The following HCN1 variants were observed in gnomAD, a reference collection of about 807,000 sequenced individuals.
HCN1 encodes hyperpolarization activated cyclic nucleotide gated potassium channel 1.
A neutral mutation model predicts 78.9 loss-of-function variants in HCN1; 13 were observed. The observed-to-expected ratio is 0.16, with a 90% CI of 0.11 to 0.26. The LOEUF (loss-of-function observed/expected upper bound fraction) is 0.26, where lower values mean the gene tolerates loss of function less well. Among genes scored for constraint, HCN1 ranks in the 10% least tolerant of loss-of-function variants. The pLI is 1.00. For synonymous variants in HCN1, 552 were observed against 455.5 expected (o/e 1.21, Z -2.70); for missense variants, 810 against 1,154.3 (o/e 0.70, Z 4.32).
chr5:45,371,623 G>A (rs940284331), intron 4 of HCN1, among the ~76,000 whole-genome samples: 10 of 150,992 alleles, frequency 6.6e-5, no homozygotes, highest in African/African-American at 1.2e-4. Context: ...TGGGCTTGGG[G>A]GCGGTCGCCT....
At chr5:45,488,092 T>C (rs892511772) in intron 2 of HCN1, among the ~76,000 whole-genome samples, 1 of 152,068 alleles carries the variant, frequency 6.6e-6, no homozygotes, top group African/African-American at 2.4e-5. Flanking sequence ...TATTCCTTGT[T>C]CAAGTCTTGG....
At chr5:45,408,903 G>A (rs1739976705) in intron 3 of HCN1, among the ~76,000 whole-genome samples, 2 of 152,090 alleles carry the variant, frequency 1.3e-5, no homozygotes, top group South Asian at 4.1e-4. Context: ...GCTGCCTAAT[G>A]CATTAAAGAA....
chr5:45,561,914 G>A (rs560265676), intron 2 of HCN1, among the ~76,000 whole-genome samples: 10 of 152,250 alleles, frequency 6.6e-5, no homozygotes, highest in African/African-American at 2.4e-4. Context: ...CATGAGGGGA[G>A]GGCTTGGAAG....
chr5:45,284,613 A>G (rs1207349009), intron 6 of HCN1, among the ~76,000 whole-genome samples: 1 of 152,092 alleles, frequency 6.6e-6, no homozygotes, highest in Non-Finnish European at 1.5e-5. Flanking sequence ...AGTTTATAGA[A>G]TATATCAAAC....
At chr5:45,442,375 C>T (rs1432072212) in intron 3 of HCN1, among the ~76,000 whole-genome samples, 15 of 152,122 alleles carry the variant, frequency 9.9e-5, no homozygotes, top group South Asian at 8.3e-4. Context: ...TAAGAACATA[C>T]GAAATTATGT....
intron 1 of HCN1, among the ~76,000 whole-genome samples, chr5:45,691,769 C>T (rs901778301): frequency 6.6e-6 from 1 of 152,114 alleles, no homozygotes; most frequent in Non-Finnish European, 1.5e-5. Context: ...CTATTATGAA[C>T]TGTATAATAT....
chr5:45,670,337 C>A (rs555261720), intron 1 of HCN1, among the ~76,000 whole-genome samples: 1 of 151,812 alleles, frequency 6.6e-6, no homozygotes. Context: ...CTAAATCCAA[C>A]ACATTTCATA....
intron 2 of HCN1, among the ~76,000 whole-genome samples, chr5:45,631,146 T>G (rs1007439149): frequency 6.6e-6 from 1 of 152,142 alleles, no homozygotes; most frequent in African/African-American, 2.4e-5. Context: ...CAGGCCTACT[T>G]GGTGATCCGT....
chr5:45,462,368 C>G (rs1215499643), intron 2 of HCN1, among the ~76,000 whole-genome samples: 2 of 152,116 alleles, frequency 1.3e-5, no homozygotes, highest in Non-Finnish European at 2.9e-5. Flanking sequence ...GTAGCTTCTA[C>G]TCTGCTTCTC....
chr5:45,640,794 C>G (rs1325679319), intron 2 of HCN1, among the ~76,000 whole-genome samples: 1 of 148,640 alleles, frequency 6.7e-6, no homozygotes, highest in Non-Finnish European at 1.5e-5. Context: ...AGGCTGGTCT[C>G]GAACTCCTGA....
chr5:45,372,440 T>C (rs867850814), intron 4 of HCN1, among the ~76,000 whole-genome samples: 214 of 123,092 alleles, frequency 1.7e-3, no homozygotes, highest in African/African-American at 5.8e-3. Flanking sequence ...TATATACTTA[T>C]ATATAAAAAT....
intron 5 of HCN1, among the ~76,000 whole-genome samples, chr5:45,332,039 T>C (rs954895373): frequency 5.3e-5 from 8 of 151,542 alleles, no homozygotes; most frequent in Non-Finnish European, 8.9e-5. Context: ...TAGACAAATG[T>C]AGTATACATA....
intron 1 of HCN1, among the ~76,000 whole-genome samples, chr5:45,684,662 A>G (rs189746232): frequency 6.6e-6 from 1 of 152,200 alleles, no homozygotes; most frequent in Non-Finnish European, 1.5e-5. Flanking sequence ...GGAGCTCAAG[A>G]CCAGCCTGAC....
intron 1 of HCN1, among the ~76,000 whole-genome samples, chr5:45,655,665 T>C (rs1323313517): frequency 6.6e-6 from 1 of 152,148 alleles, no homozygotes; most frequent in East Asian, 1.9e-4. Flanking sequence ...TTGGTCTCTA[T>C]GTCTTTTGAT....
chr5:45,303,865 AT>A (rs762536069), intron 5 of HCN1, 26 bp from the exon 6 acceptor site: 12 of 1,592,338 alleles, frequency 7.5e-6, no homozygotes, highest in Non-Finnish European at 1.0e-5. Context: ...GTAAACAAAT[AT>A]TAAGAGAGAT....
intron 3 of HCN1, among the ~76,000 whole-genome samples, chr5:45,458,244 A>G (rs372902548): frequency 6.6e-6 from 1 of 152,012 alleles, no homozygotes; most frequent in Non-Finnish European, 1.5e-5. Context: ...TACAGTTAAG[A>G]AGGATATAAA....
rs150705607 is a variant in HCN1, at chr5:45,625,269, C to T, written c.849+19916G>A. Among the ~76,000 whole-genome samples the T allele has an allele frequency of 1.7e-3, 259 of 152,150 alleles. 9 individuals are homozygous for T. In the East Asian group the frequency reaches 0.044, roughly 26 times the overall value. On this transcript the variant is annotated intron_variant, in intron 2 of 7. Transcript: ENST00000303230. ...AATGAGCTGAGACCATGCCATTGCA[C>T]TCCAGCCTGGGTGACAGAGCAAGAC...
intron 2 of HCN1, among the ~76,000 whole-genome samples, chr5:45,469,214 G>A (rs940006285): frequency 3.3e-5 from 5 of 151,694 alleles, no homozygotes; most frequent in African/African-American, 1.2e-4. Flanking sequence ...CCATGTGACA[G>A]GTCAGAACAT....
chr5:45,596,704 G>T (rs1744507242), intron 2 of HCN1, among the ~76,000 whole-genome samples: 1 of 152,184 alleles, frequency 6.6e-6, no homozygotes, highest in Non-Finnish European at 1.5e-5. Context: ...CATGAATCAT[G>T]AAATTATGTG....
Sources: gnomAD v4.1 joint callset for allele counts (sites outside exome capture counted in the v4.1 genomes callset) on GRCh38, gnomAD v4.1.1 for gene constraint, MANE v1.5 for transcripts, NCBI Gene and HGNC (gene_info 2026-07-23, HGNC 2026-07-21) for gene names.